Variants in NLGN1 observed in about 807,000 individuals in gnomAD.
NLGN1 encodes the protein neuroligin 1.
A neutral mutation model predicts 65.5 loss-of-function variants in NLGN1; 12 were observed. The observed-to-expected ratio is 0.18, with a 90% CI of 0.12 to 0.30. NLGN1 has a LOEUF of 0.30. Among genes scored for constraint, NLGN1 ranks in the 10% least tolerant of loss-of-function variants. NLGN1 has a pLI of 1.00. For missense variants in NLGN1, 750 were observed against 1,007.1 expected (o/e 0.74, Z 3.46); for synonymous variants, 350 against 359.5 (o/e 0.97, Z 0.30).
chr3:173,984,331 A>G (rs1159095932), intron 4 of NLGN1, among the ~76,000 whole-genome samples: 1 of 152,174 alleles, frequency 6.6e-6, no homozygotes, highest in Non-Finnish European at 1.5e-5. Context: ...GGGCCTACAT[A>G]TCTGCATATC....
intron 2 of NLGN1, among the ~76,000 whole-genome samples, chr3:173,486,311 C>T (rs1728170263): frequency 6.6e-6 from 1 of 152,132 alleles, no homozygotes; most frequent in Non-Finnish European, 1.5e-5. Context: ...ATCCGCCTGC[C>T]TCGGCCTCCC....
At chr3:174,275,769 C>T (rs1018134792) in intron 5 of NLGN1, among the ~76,000 whole-genome samples, 2 of 151,900 alleles carry the variant, frequency 1.3e-5, no homozygotes, top group Non-Finnish European at 2.9e-5. Flanking sequence ...GTTAGCATTA[C>T]AGTTACTCTT....
intron 3 of NLGN1, among the ~76,000 whole-genome samples, chr3:173,769,334 A>G (rs558625284): frequency 1.3e-5 from 2 of 152,186 alleles, no homozygotes; most frequent in Admixed American, 1.3e-4. Flanking sequence ...ATCTTCCACC[A>G]TTGTGTGACT....
At chr3:174,007,985 G>A (rs567949191) in intron 4 of NLGN1, among the ~76,000 whole-genome samples, 47 of 150,988 alleles carry the variant, frequency 3.1e-4, no homozygotes, top group Non-Finnish European at 6.6e-4. Context: ...TGTGTGTGTT[G>A]TGAGTGGGGA....
intron 4 of NLGN1, among the ~76,000 whole-genome samples, chr3:174,074,002 A>G (rs1399598185): frequency 6.6e-6 from 1 of 152,176 alleles, no homozygotes; most frequent in African/African-American, 2.4e-5. Flanking sequence ...AAATGTGGAG[A>G]ATGGTTTGTC....
intron 3 of NLGN1, among the ~76,000 whole-genome samples, chr3:173,663,651 G>T (rs1417068090): frequency 6.6e-6 from 1 of 151,944 alleles, no homozygotes; most frequent in Non-Finnish European, 1.5e-5. Flanking sequence ...AAAAGCTGCA[G>T]TTGAGAGATG....
At chr3:173,435,119 G>A (rs952167023) in intron 2 of NLGN1, 1 of 152,602 alleles carries the variant, frequency 6.6e-6, no homozygotes, top group Non-Finnish European at 1.5e-5. Context: ...TCACTGAAGT[G>A]TTAGAAAAGT....
the NLGN1 span, among the ~76,000 whole-genome samples, chr3:174,294,178 G>A: frequency 2.6e-5 from 4 of 151,594 alleles, no homozygotes; most frequent in Non-Finnish European, 4.4e-5. Flanking sequence ...CAATATAAAT[G>A]TAATATCATT....
chr3:173,422,312 TA>T (rs930678682), intron 1 of NLGN1, among the ~76,000 whole-genome samples: 1 of 152,142 alleles, frequency 6.6e-6, no homozygotes, highest in Non-Finnish European at 1.5e-5. Context: ...ACGTGAGAGC[TA>T]AAAAGTTTAT....
At chr3:174,090,841 A>G (rs1190203991) in intron 4 of NLGN1, among the ~76,000 whole-genome samples, 1 of 152,080 alleles carries the variant, frequency 6.6e-6, no homozygotes, top group East Asian at 1.9e-4. Context: ...TATAAACATC[A>G]TCAGGGAGAT....
At chr3:174,011,636 C>T (rs1367109984) in intron 4 of NLGN1, among the ~76,000 whole-genome samples, 1 of 152,146 alleles carries the variant, frequency 6.6e-6, no homozygotes, top group Non-Finnish European at 1.5e-5. Flanking sequence ...TTCTCTCTCT[C>T]TCTCTGAAAC....
At chr3:173,696,743 T>C (rs945102017) in intron 3 of NLGN1, among the ~76,000 whole-genome samples, 1 of 152,214 alleles carries the variant, frequency 6.6e-6, no homozygotes, top group Non-Finnish European at 1.5e-5. Flanking sequence ...TTTTGTTTGT[T>C]TCTTATGAGT....
intron 2 of NLGN1, among the ~76,000 whole-genome samples, chr3:173,520,000 A>C (rs1028320523): frequency 4.6e-5 from 7 of 152,176 alleles, no homozygotes; most frequent in African/African-American, 1.7e-4. Context: ...GTTTAGCGTC[A>C]TCCTCTTGGT....
At chr3:173,672,185 G>GAATAA (rs955281663) in intron 3 of NLGN1, among the ~76,000 whole-genome samples, 12 of 152,058 alleles carry the variant, frequency 7.9e-5, no homozygotes, top group South Asian at 2.1e-4. Context: ...AAAATAATTA[G>GAATAA]AATAAAATAA....
At chr3:173,572,320 C>T (rs995426442) in intron 2 of NLGN1, among the ~76,000 whole-genome samples, 4 of 152,208 alleles carry the variant, frequency 2.6e-5, no homozygotes, top group African/African-American at 7.2e-5. Context: ...TAGGGAGAAC[C>T]ACTAATTCTG....
At chr3:174,268,038 C>T (rs945005067) in intron 4 of NLGN1, among the ~76,000 whole-genome samples, 16 of 152,096 alleles carry the variant, frequency 1.1e-4, no homozygotes, top group African/African-American at 3.4e-4. Flanking sequence ...CCTGAAGCTA[C>T]ATAGTATAAT....
chr3:173,640,095 G>A (rs1334800381), intron 3 of NLGN1, among the ~76,000 whole-genome samples: 2 of 152,066 alleles, frequency 1.3e-5, no homozygotes, highest in African/African-American at 2.4e-5. Flanking sequence ...CAAGGACAAC[G>A]GGGTGCATAA....
rs141866079 is a variant in NLGN1, at chr3:173,407,404, A to G, written c.-390+8917A>G. Among the ~76,000 whole-genome samples, 8 of 152,258 alleles carry G rather than the reference A, an allele frequency of 5.3e-5. No homozygotes were observed. In the East Asian group the frequency reaches 9.7e-4, roughly 19 times the overall value. On this transcript the variant is annotated intron_variant, in intron 1 of 6. Transcript: ENST00000457714. ...AAAAAATGATTTGCTTGTTTATGCA[A>G]TGGTAGAGCTGGAACCTGATCTTCA... is the stretch of plus-strand genomic sequence containing the variant.
At chr3:173,466,494 C>T (rs746512249) in intron 2 of NLGN1, among the ~76,000 whole-genome samples, 39 of 152,092 alleles carry the variant, frequency 2.6e-4, no homozygotes, top group Non-Finnish European at 4.6e-4. Context: ...GCAGAATAGG[C>T]TCCTGAGTTG....
Sources: gnomAD v4.1 joint callset for allele counts (sites outside exome capture counted in the v4.1 genomes callset) on GRCh38, gnomAD v4.1.1 for gene constraint, MANE v1.5 for transcripts, NCBI Gene and HGNC (gene_info 2026-07-23, HGNC 2026-07-21) for gene names.